CFH: variants seen among roughly 807,000 people sequenced by gnomAD.
The protein encoded by CFH is complement factor H.
In CFH, 53 loss-of-function variants were observed where a neutral mutation model predicts 147.3. That is an observed-to-expected ratio of 0.36 (90% CI 0.29 to 0.45). CFH has a LOEUF of 0.45. Among genes scored for constraint, CFH ranks in the 20% least tolerant of loss-of-function variants. CFH has a pLI of 1.00. For missense variants in CFH, 1,380 were observed against 1,498.0 expected, an observed-to-expected ratio of 0.92 and a Z score of 1.30; for synonymous variants, 536 against 489.4, an observed-to-expected ratio of 1.10 and a Z score of -1.26.
chr1:196,720,482 C>G (rs1237361216), intron 11 of CFH, among the ~76,000 whole-genome samples: 2 of 151,914 alleles, frequency 1.3e-5, no homozygotes, highest in African/African-American at 4.8e-5. Flanking sequence ...TCAGCACTCT[C>G]TGTCCATATG....
chr1:196,706,802 C>G (rs1327553251), intron 9 of CFH, among the ~76,000 whole-genome samples: 1 of 152,154 alleles, frequency 6.6e-6, no homozygotes, highest in Non-Finnish European at 1.5e-5. Flanking sequence ...TGGTCCTCCA[C>G]CCCCAGTACC....
At chr1:196,739,165 T>C (rs1321211975) in intron 17 of CFH, among the ~76,000 whole-genome samples, 2 of 152,168 alleles carry the variant, frequency 1.3e-5, no homozygotes, top group Non-Finnish European at 2.9e-5. Context: ...TCAAACCATT[T>C]TTCCCTCCTG....
intron 21 of CFH, 26 bp downstream of exon 21, chr1:196,746,025 T>C (rs1448607927): frequency 6.2e-7 from 1 of 1,614,010 alleles, no homozygotes; most frequent in Non-Finnish European, 8.5e-7. Context: ...TTCACGTGGC[T>C]GGAAAAATCT....
intron 1 of CFH, among the ~76,000 whole-genome samples, chr1:196,656,600 C>T (rs1485580434): frequency 6.6e-6 from 1 of 151,790 alleles, no homozygotes; most frequent in African/African-American, 2.4e-5. Flanking sequence ...TTCATTGTTA[C>T]TCATCTGTTC....
intron 9 of CFH, among the ~76,000 whole-genome samples, chr1:196,701,956 C>T (rs556986088): frequency 6.6e-6 from 1 of 152,212 alleles, no homozygotes; most frequent in Non-Finnish European, 1.5e-5. Context: ...CAGTACGATC[C>T]TGTAGCTAGA....
chr1:196,744,938 C>T lies in CFH; in HGVS notation c.3311-879C>T, dbSNP rs138582935. 5.1e-3 allele frequency among the ~76,000 whole-genome samples: 782 copies of T among 152,194 alleles called. 8 individuals carry two copies. Among genetic ancestry groups the T allele is most frequent in the African/African-American group, 0.018 (751 of 41,528 alleles). On this transcript the variant is annotated intron_variant, in intron 20 of 21. Transcript: ENST00000367429. ...GAGAATGTCTGTATTGATCCCCTTA[C>T]TTGTAAAAGATCGTGTCACTGGATA...
chr1:196,674,647 T>C (rs1253363146), intron 3 of CFH, among the ~76,000 whole-genome samples: 1 of 152,174 alleles, frequency 6.6e-6, no homozygotes, highest in Admixed American at 6.5e-5. Flanking sequence ...ACTTCATAAA[T>C]ATAAATGTAA....
At chr1:196,657,907 A>G (rs73071737) in intron 1 of CFH, among the ~76,000 whole-genome samples, 6,331 of 152,182 alleles carry the variant, frequency 0.042, 439 homozygotes, top group African/African-American at 0.14. Flanking sequence ...CAAATATATA[A>G]TTTTATCATG....
At position 196,685,237 on chromosome 1, in the gene CFH, T is replaced by A; in HGVS notation, c.964T>A (p.Leu322Met). 6.2e-7 allele frequency: 1 copy of A among 1,612,768 alleles called. No individual in the cohort carries two copies. Among genetic ancestry groups the A allele is most frequent in the Non-Finnish European group, 8.5e-7 (1 of 1,179,102 alleles). The change falls in exon 7 of 22, where the codon TTG becomes ATG. Residue 322 changes from leucine to methionine, a missense_variant and splice_region_variant. Around this residue, in one of 4 missense-constraint regions of CFH, gnomAD observed 167 missense variants for 228.0 expected, o/e 0.73. Transcript: ENST00000367429. ...TGWIPAPRCT[L>M]KPCDYPDIKH... ...CTGGATACCTGCTCCGAGATGTACCTGTAAGTTCCATTCATATCTTGACCC... is the reference window on the plus strand; with the variant it reads ...CTGGATACCTGCTCCGAGATGTACCAGTAAGTTCCATTCATATCTTGACCC...
Position 196,689,499 on chromosome 1 carries a change from T to C in CFH, c.1044T>C (p.Ala348=). 1 of 1,613,560 alleles carries C rather than the reference T, an allele frequency of 6.2e-7. No individual in the cohort carries two copies. Among genetic ancestry groups the C allele is most frequent in the Non-Finnish European group, 8.5e-7 (1 of 1,179,658 alleles). ...ENMRRPYFPV[A]VGKYYSYYCD... The stretch of plus-strand genomic sequence containing the variant: ...TGCGTAGACCATACTTTCCAGTAGC[T>C]GTAGGAAAATATTACTCCTATTACT... Residue 348 remains alanine (A), a synonymous_variant, in exon 8 of 22, where the codon GCT becomes GCC. Coordinates refer to ENST00000367429, the MANE Select transcript of CFH (RefSeq NM_000186.4).
intron 1 of CFH, among the ~76,000 whole-genome samples, chr1:196,671,628 AG>A (rs1667282704): frequency 6.7e-6 from 1 of 149,554 alleles, no homozygotes; most frequent in African/African-American, 2.5e-5. Context: ...ACACACACAG[AG>A]TATATACATA....
rs779590934 is a variant in CFH, at chr1:196,737,559, G to A, written c.2681G>A (p.Gly894Glu). 5.6e-6 allele frequency: 9 copies of A among 1,613,134 alleles called. No homozygotes were observed. Among genetic ancestry groups the A allele is most frequent in the Middle Eastern group, 1.7e-4 (1 of 6,056 alleles). ...TCTTCACAAGAAAGTTATGCACATG[G>A]GACTAAATTGAGTTATACTTGTGAG... ...SRSSQESYAH[G>E]TKLSYTCEGG... The change falls in exon 17 of 22, where the codon GGG becomes GAG. Residue 894 changes from glycine to glutamate, a missense_variant. By Grantham distance (98) the Gly-to-Glu change is moderately conservative. This residue lies in a region of CFH where 830 missense variants were observed against 821.4 expected (regional missense o/e 1.01). Coordinates refer to ENST00000367429, the MANE Select transcript of CFH (RefSeq NM_000186.4).
At chr1:196,652,243 G>A in intron 1 of CFH, 68 bp downstream of exon 1, 1 of 1,235,366 alleles carries the variant, frequency 8.1e-7, no homozygotes, top group Non-Finnish European at 1.2e-6. Context: ...GCTTTTCACA[G>A]GAGTAATAAA....
chr1:196,747,267 C>A lies in CFH; in HGVS notation c.3650C>A (p.Thr1217Lys). Residue 1217 changes from threonine to lysine, a missense_variant, in exon 22 of 22, where the codon ACA (threonine) becomes AAA (lysine). Transcript: ENST00000367429. ...TCACGTTCTCACACATTGCGAACAA[C>A]ATGTTGGGATGGGAAACTGGAGTAT... is the stretch of plus-strand genomic sequence containing the variant. The part of the protein sequence containing the change: ...LSSRSHTLRT[T>K]CWDGKLEYPT... The A allele has an allele frequency of 6.2e-7, 1 of 1,613,964 alleles. No homozygotes were observed. Among genetic ancestry groups the A allele is most frequent in the Non-Finnish European group, 8.5e-7 (1 of 1,179,934 alleles).
At chr1:196,740,285 T>A (rs1337406608) in intron 17 of CFH, among the ~76,000 whole-genome samples, 1 of 152,220 alleles carries the variant, frequency 6.6e-6, no homozygotes. Flanking sequence ...TCTTATTTCC[T>A]ACAATATATT....
chr1:196,746,109 C>G, intron 21 of CFH, 110 bp downstream of exon 21: 1 of 1,565,730 alleles, frequency 6.4e-7, no homozygotes, highest in Non-Finnish European at 8.8e-7. Context: ...CTGCTGAATG[C>G]TTGCCTACCA....
At chr1:196,715,997 TA>T (rs1668861471) in intron 11 of CFH, among the ~76,000 whole-genome samples, 1 of 152,128 alleles carries the variant, frequency 6.6e-6, no homozygotes, top group Non-Finnish European at 1.5e-5. Context: ...TTTGTGATTA[TA>T]ATATAATTGC....
At chr1:196,723,492 C>G (rs1669052321) in intron 11 of CFH, among the ~76,000 whole-genome samples, 1 of 152,136 alleles carries the variant, frequency 6.6e-6, no homozygotes, top group Admixed American at 6.6e-5. Flanking sequence ...GCCCTAGTGT[C>G]AGCATTTTGC....
At chr1:196,727,480 G>A (rs1259590796) in intron 14 of CFH, among the ~76,000 whole-genome samples, 2 of 152,044 alleles carry the variant, frequency 1.3e-5, no homozygotes. Context: ...CTGGGCAACA[G>A]AGTAAGACTC....
Sources: gnomAD v4.1 joint callset for allele counts (sites outside exome capture counted in the v4.1 genomes callset) on GRCh38, gnomAD v4.1.1 for gene constraint, gnomAD v4.1.1 regional missense constraint, MANE v1.5 for transcripts, NCBI Gene and HGNC (gene_info 2026-07-23, HGNC 2026-07-21) for gene names.